Variants in PLCE1 observed in about 807,000 individuals in gnomAD.
The protein encoded by PLCE1 is phospholipase C epsilon 1, also known as 1-phosphatidylinositol 4,5-bisphosphate phosphodiesterase epsilon-1.
Under a neutral mutation model 242.8 loss-of-function variants are expected in PLCE1, and 119 were observed. The ratio of observed to expected loss-of-function variants is 0.49; its 90% confidence interval spans 0.42 to 0.57. PLCE1 has a LOEUF of 0.57. Among genes scored for constraint, PLCE1 ranks in the 20% least tolerant of loss-of-function variants. The pLI, the probability that PLCE1 is intolerant of heterozygous loss-of-function variation, is 0.00. For synonymous variants in PLCE1, 945 were observed against 1,017.4 expected, an observed-to-expected ratio of 0.93 and a Z score of 1.35; for missense variants, 2,441 against 2,788.8, an observed-to-expected ratio of 0.88 and a Z score of 2.81.
intron 3 of PLCE1, chr10:94,138,296 G>A (rs760746076): frequency 1.8e-5 from 6 of 340,828 alleles, no homozygotes; most frequent in Admixed American, 3.5e-5. Flanking sequence ...TCCATGCCAC[G>A]GTGATGGCAT....
intron 18 of PLCE1, among the ~76,000 whole-genome samples, 170 bp downstream of exon 18, chr10:94,270,772 C>T (rs567451270): frequency 3.3e-4 from 50 of 152,192 alleles, no homozygotes; most frequent in Non-Finnish European, 5.3e-4. Flanking sequence ...GAGGTTCAAG[C>T]GATTGTCCTG....
Position 94,017,686 on chromosome 10 carries a change from C to T in PLCE1, c.-364-12997C>T, listed in dbSNP as rs74151970. Reference sequence around the variant, plus strand: ...AATCACCATCTTATATGACATAATACTTATACATTAAGTATATGGATTTAA... The same window carrying T: ...AATCACCATCTTATATGACATAATATTTATACATTAAGTATATGGATTTAA... On this transcript the variant is annotated intron_variant, in intron 1 of 32. Coordinates refer to ENST00000371380, the MANE Select transcript of PLCE1 (RefSeq NM_016341.4). Among the ~76,000 whole-genome samples the T allele has an allele frequency of 8.9e-3, 1,350 of 152,296 alleles. 18 individuals are homozygous for T. Among genetic ancestry groups the T allele is most frequent in the African/African-American group, 0.031 (1,293 of 41,566 alleles).
chr10:94,316,297 T>C (rs563061921), intron 28 of PLCE1, among the ~76,000 whole-genome samples: 1 of 152,350 alleles, frequency 6.6e-6, no homozygotes, highest in South Asian at 2.1e-4. Context: ...CTAGGAGCTC[T>C]CATTCCAGCA....
Position 94,254,953 on chromosome 10 carries a change from C to T in PLCE1, c.3458C>T (p.Thr1153Ile), listed in dbSNP as rs745747725. The T allele has an allele frequency of 6.2e-7, 1 of 1,614,052 alleles. No homozygotes were observed. Among genetic ancestry groups the T allele is most frequent in the Admixed American group, 1.7e-5 (1 of 60,020 alleles). ...CCTTCCAGAAGAGCCCACTCTTTGA[C>T]CACAGCTGGGTCCCCCAACTTGGCT... Reference protein sequence around the residue: ...PLPSRRAHSLTTAGSPNLAAG... With the variant: ...PLPSRRAHSLITAGSPNLAAG... The change falls in exon 11 of 33, where the codon ACC becomes ATC. Residue 1153 changes from threonine (T) to isoleucine (I), a missense_variant. Physicochemically the swap from Thr to Ile is moderately conservative, Grantham distance 89. This residue lies in a region of PLCE1 where 1,004 missense variants were observed against 1,322.7 expected (regional missense o/e 0.76). Coordinates refer to ENST00000371380, the MANE Select transcript of PLCE1 (RefSeq NM_016341.4).
At chr10:94,033,200 T>C (rs1180617051) in intron 2 of PLCE1, among the ~76,000 whole-genome samples, 2 of 152,064 alleles carry the variant, frequency 1.3e-5, no homozygotes, top group East Asian at 3.9e-4. Context: ...CCAGTTCCTC[T>C]GAGCTATTGA....
At chr10:94,109,249 A>C (rs918678785) in intron 2 of PLCE1, 2 of 152,216 alleles carry the variant, frequency 1.3e-5, no homozygotes, top group African/African-American at 4.8e-5. Flanking sequence ...ATGTTAATGA[A>C]AAAAATATTA....
At chr10:94,282,467 C>G (rs1430810764) in intron 20 of PLCE1, among the ~76,000 whole-genome samples, 1 of 152,104 alleles carries the variant, frequency 6.6e-6, no homozygotes, top group Non-Finnish European at 1.5e-5. Context: ...AATGACAGCA[C>G]AATTCCAAGA....
chr10:94,242,136 T>C (rs548073195), intron 7 of PLCE1, among the ~76,000 whole-genome samples: 2 of 152,268 alleles, frequency 1.3e-5, no homozygotes, highest in South Asian at 2.1e-4. Flanking sequence ...AGGACATAAG[T>C]ATTGGTTTTC....
chr10:94,218,736 T>C (rs961388968), intron 4 of PLCE1, among the ~76,000 whole-genome samples: 18 of 151,836 alleles, frequency 1.2e-4, no homozygotes, highest in Admixed American at 1.2e-3. Context: ...TAGGCATTAC[T>C]ACAGAGATAT....
intron 2 of PLCE1, among the ~76,000 whole-genome samples, chr10:94,101,600 A>AG (rs2045539120): frequency 1.3e-5 from 2 of 152,206 alleles, no homozygotes. Flanking sequence ...CAAGTGACAC[A>AG]GGTGACCTCC....
intron 4 of PLCE1, among the ~76,000 whole-genome samples, chr10:94,192,229 G>A (rs1034377021): frequency 1.3e-5 from 2 of 152,108 alleles, no homozygotes; most frequent in Non-Finnish European, 2.9e-5. Context: ...GTATGTGCAG[G>A]TTTGTTTCAT....
intron 1 of PLCE1, among the ~76,000 whole-genome samples, chr10:93,996,217 C>G (rs1335389062): frequency 1.3e-5 from 2 of 152,156 alleles, no homozygotes; most frequent in Non-Finnish European, 2.9e-5. Flanking sequence ...CTCTCTCTGC[C>G]GGAACTACTT....
chr10:94,198,989 C>A (rs780190391), intron 4 of PLCE1, among the ~76,000 whole-genome samples: 9 of 152,086 alleles, frequency 5.9e-5, no homozygotes, highest in Admixed American at 1.3e-4. Flanking sequence ...GAGGTTGAGG[C>A]TGCAGTGAGC....
intron 16 of PLCE1, among the ~76,000 whole-genome samples, chr10:94,268,612 T>A (rs940513228): frequency 6.6e-6 from 1 of 152,228 alleles, no homozygotes; most frequent in African/African-American, 2.4e-5. Flanking sequence ...TGCCTGGCTC[T>A]CTAATTTGAA....
At chr10:94,024,038 C>T (rs1303393469) in intron 1 of PLCE1, among the ~76,000 whole-genome samples, 1 of 151,928 alleles carries the variant, frequency 6.6e-6, no homozygotes, top group Non-Finnish European at 1.5e-5. Context: ...AGCAGATATT[C>T]GGGAGAAGAA....
At chr10:94,162,440 G>A (rs1318843758) in intron 3 of PLCE1, among the ~76,000 whole-genome samples, 1 of 152,168 alleles carries the variant, frequency 6.6e-6, no homozygotes, top group Non-Finnish European at 1.5e-5. Context: ...TAGTTTATTT[G>A]CATAGAGGTG....
At chr10:94,308,355 G>A (rs961296567) in intron 26 of PLCE1, among the ~76,000 whole-genome samples, 4 of 152,136 alleles carry the variant, frequency 2.6e-5, no homozygotes, top group African/African-American at 9.7e-5. Flanking sequence ...TGAGTTTAAG[G>A]TTTTCTGTTT....
chr10:94,008,156 C>T (rs981592583), intron 1 of PLCE1, among the ~76,000 whole-genome samples: 1 of 140,154 alleles, frequency 7.1e-6, no homozygotes, highest in Non-Finnish European at 1.5e-5. Flanking sequence ...TGTGCCACTG[C>T]ACTCCAGCCT....
chr10:94,085,839 G>C (rs953461172), intron 2 of PLCE1, among the ~76,000 whole-genome samples: 2 of 152,204 alleles, frequency 1.3e-5, no homozygotes, highest in Non-Finnish European at 2.9e-5. Context: ...GACAGACTGG[G>C]TAAGTATAGT....
Sources: allele counts gnomAD v4.1 joint callset (sites outside exome capture counted in the v4.1 genomes callset), GRCh38; gene constraint gnomAD v4.1.1; regional missense constraint gnomAD v4.1.1; transcripts MANE v1.5; gene names NCBI Gene and HGNC (gene_info 2026-07-23, HGNC 2026-07-21).